PGAP1: variants seen among roughly 807,000 people sequenced by gnomAD.
PGAP1 encodes post-GPI attachment to proteins inositol deacylase 1.
PGAP1 carries 76 observed loss-of-function variants against 127.0 expected under a neutral mutation model. That is an observed-to-expected ratio of 0.60 (90% confidence interval 0.50 to 0.72). The LOEUF is 0.72. Among genes scored for constraint, PGAP1 ranks in the 30% least tolerant of loss-of-function variants. PGAP1 has a pLI of 0.00. For missense variants in PGAP1, 982 were observed against 1,071.3 expected, an observed-to-expected ratio of 0.92 and a Z score of 1.16; for synonymous variants, 362 against 366.5, an observed-to-expected ratio of 0.99 and a Z score of 0.14.
At position 196,853,350 on chromosome 2, in the gene PGAP1, T is replaced by C. The variant is rs555903699; in HGVS notation, c.1862-5313A>G. Among the ~76,000 whole-genome samples, 6 of 152,380 alleles carry C rather than the reference T, an allele frequency of 3.9e-5. No homozygotes were observed. In the East Asian group the frequency reaches 9.6e-4, roughly 24 times the overall value. On this transcript the variant is annotated intron_variant, in intron 20 of 26. Transcript: ENST00000354764. ...TTTCCTCTTGGATAACTTGATTCTA[T>C]ATTCTTGGCTTTTCTTGATACATCT...
At chr2:196,896,214 T>A (rs1702262558) in intron 7 of PGAP1, among the ~76,000 whole-genome samples, 2 of 152,152 alleles carry the variant, frequency 1.3e-5, no homozygotes, top group African/African-American at 4.8e-5. Flanking sequence ...GTTTGAAGAG[T>A]TTACACTGTG....
rs898967423 is a variant in PGAP1, at chr2:196,914,277, T to C, written c.478-1224A>G. 7.2e-5 allele frequency among the ~76,000 whole-genome samples: 11 copies of C among 152,200 alleles called. 1 individual carries two copies. Among genetic ancestry groups the C allele is most frequent in the South Asian group, 6.2e-4 (3 of 4,834 alleles). On this transcript the variant is annotated intron_variant, in intron 3 of 26. Coordinates refer to ENST00000354764, the MANE Select transcript of PGAP1 (RefSeq NM_024989.4). ...AATAAAAATAACTCCCTTTTAATTC[T>C]CACTTTCCCCTTAGTGACTACTTTA...
intron 1 of PGAP1, among the ~76,000 whole-genome samples, chr2:196,924,482 T>G (rs956420835): frequency 2.6e-5 from 4 of 152,192 alleles, no homozygotes; most frequent in Non-Finnish European, 5.9e-5. Context: ...TATAGGCTGG[T>G]TTTAATTGTA....
intron 3 of PGAP1, among the ~76,000 whole-genome samples, chr2:196,914,448 T>C (rs923870468): frequency 6.6e-6 from 1 of 151,936 alleles, no homozygotes; most frequent in African/African-American, 2.4e-5. Context: ...TGGCAAAACC[T>C]GGTATCTGCT....
chr2:196,890,271 ATTTTTAAACAACATCACATT>A (rs1702056403), intron 10 of PGAP1, among the ~76,000 whole-genome samples: 1 of 152,154 alleles, frequency 6.6e-6, no homozygotes, highest in Non-Finnish European at 1.5e-5. Flanking sequence ...ACGCTACAGC[ATTTTTAAACAACATCACATT>A]TTTTAATAGT....
intron 20 of PGAP1, among the ~76,000 whole-genome samples, chr2:196,859,554 T>C (rs1443387958): frequency 6.6e-6 from 1 of 151,154 alleles, no homozygotes; most frequent in Non-Finnish European, 1.5e-5. Flanking sequence ...CATAAAATAA[T>C]ACAACAAAAA....
chr2:196,866,256 A>G (rs1361139129), intron 19 of PGAP1, among the ~76,000 whole-genome samples: 1 of 152,230 alleles, frequency 6.6e-6, no homozygotes, highest in East Asian at 1.9e-4. Flanking sequence ...ACAATATGGT[A>G]CTGGTACCAA....
chr2:196,875,765 T>C lies in PGAP1; in HGVS notation c.1407A>G (p.Val469=). ...ACTTACCAAAGGAAAAAAGATGAGT[T>C]ACAGGAAGCTGTATGTATCTTTTCT... ...KKEKRYIQLP[V]THLFSFGLSS... Residue 469 remains valine, a synonymous_variant, in exon 14 of 27, where the codon GTA becomes GTG. Transcript: ENST00000354764. 6.5e-7 allele frequency: 1 copy of C among 1,541,146 alleles called. No individual in the cohort carries two copies. Among genetic ancestry groups the C allele is most frequent in the Non-Finnish European group, 8.9e-7 (1 of 1,118,268 alleles).
At chr2:196,887,931 C>T (rs1459517958) in intron 10 of PGAP1, among the ~76,000 whole-genome samples, 1 of 152,160 alleles carries the variant, frequency 6.6e-6, no homozygotes, top group Non-Finnish European at 1.5e-5. Flanking sequence ...AAAGATCCAA[C>T]CCATTTTTGT....
chr2:196,912,750 T>C (rs79166618), intron 4 of PGAP1, 132 bp downstream of exon 4: 2 of 662,754 alleles, frequency 3.0e-6, no homozygotes, highest in Non-Finnish European at 4.7e-6. Flanking sequence ...GAATTGGAGG[T>C]GCTGATTTGC....
Position 196,885,815 on chromosome 2 carries a change from A to G in PGAP1, c.1220+19T>C, listed in dbSNP as rs142559942. On this transcript the variant is annotated intron_variant, in intron 11 of 26. Transcript: ENST00000354764. ...ATTGTTTATGTTGAGATAAATGAAC[A>G]TGCATTCAAAAGACTTACCACATAG... 3.5e-4 allele frequency: 484 copies of G among 1,389,704 alleles called. No individual in the cohort carries two copies. Among genetic ancestry groups the G allele is most frequent in the South Asian group, 1.3e-3 (66 of 49,202 alleles). The allele number at this position is 1,389,704 out of a possible 1,614,324, so 86.1% of individuals were successfully genotyped here. A position where few individuals can be genotyped will look rare whatever the true frequency, so the allele number is the denominator to read the frequency against.
At position 196,885,442 on chromosome 2, in the gene PGAP1, T is replaced by C. The variant is rs1183128024; in HGVS notation, c.1254A>G (p.Glu418=). Residue 418 remains glutamate (E), a synonymous_variant, in exon 12 of 27, where the codon GAA becomes GAG. Coordinates refer to ENST00000354764, the MANE Select transcript of PGAP1 (RefSeq NM_024989.4). ...AATTTACCTTAATTGTTGGCAGCAG[T>C]TCAGCTTTCCATGATAAATCAACCC... ...LQGVDLSWKA[E]LLPTIKYLTL... 6.2e-7 allele frequency: 1 copy of C among 1,603,710 alleles called. No homozygotes were observed. Among genetic ancestry groups the C allele is most frequent in the Admixed American group, 1.7e-5 (1 of 59,168 alleles).
At chr2:196,851,031 A>C (rs904743017) in intron 20 of PGAP1, among the ~76,000 whole-genome samples, 9 of 152,110 alleles carry the variant, frequency 5.9e-5, no homozygotes, top group African/African-American at 2.2e-4. Context: ...AAAGTATAAA[A>C]AAGTTTTATT....
intron 19 of PGAP1, among the ~76,000 whole-genome samples, chr2:196,868,184 T>G (rs1010257343): frequency 7.9e-5 from 12 of 152,176 alleles, no homozygotes; most frequent in Admixed American, 7.9e-4. Flanking sequence ...ATGTAAGGCT[T>G]AAATATGTTC....
Position 196,902,633 on chromosome 2 carries a change from C to G in PGAP1, c.759G>C (p.Leu253Phe). 1 of 1,613,640 alleles carries G rather than the reference C, an allele frequency of 6.2e-7. No homozygotes were observed. Among genetic ancestry groups the G allele is most frequent in the Non-Finnish European group, 8.5e-7 (1 of 1,179,800 alleles). Residue 253 changes from leucine to phenylalanine, a missense_variant, in exon 5 of 27, where the codon TTG becomes TTC. By Grantham distance (22) the Leu-to-Phe change is conservative. Transcript: ENST00000354764. Reference protein sequence around the residue: ...GFRDYQVRSGLTFLPKLSHHT... With the variant: ...GFRDYQVRSGFTFLPKLSHHT... ...GATGGCTTAATTTTGGTAGAAAAGT[C>G]AATCCTGAACGAACTTGGTAATCCC...
At chr2:196,845,443 C>G (rs1337566855) in intron 23 of PGAP1, among the ~76,000 whole-genome samples, 1 of 150,788 alleles carries the variant, frequency 6.6e-6, no homozygotes, top group Non-Finnish European at 1.5e-5. Context: ...TTTTTATTGT[C>G]ATCTTCTGAT....
chr2:196,865,939 G>A (rs1701226822), intron 19 of PGAP1, among the ~76,000 whole-genome samples: 1 of 152,048 alleles, frequency 6.6e-6, no homozygotes, highest in Non-Finnish European at 1.5e-5. Context: ...CCTCTTCAAG[G>A]AAACTACAAA....
At chr2:196,876,209 T>G (rs1313182260) in intron 13 of PGAP1, among the ~76,000 whole-genome samples, 1 of 152,154 alleles carries the variant, frequency 6.6e-6, no homozygotes, top group Non-Finnish European at 1.5e-5. Context: ...AATACTTTCA[T>G]AGTCAAAAGG....
intron 22 of PGAP1, 42 bp downstream of exon 22, chr2:196,846,961 T>C (rs1700572136): frequency 2.0e-6 from 3 of 1,475,508 alleles, no homozygotes; most frequent in Non-Finnish European, 2.8e-6. Flanking sequence ...TATATATTTC[T>C]TCTTAAAGCA....
Sources: allele counts gnomAD v4.1 joint callset (sites outside exome capture counted in the v4.1 genomes callset), GRCh38; gene constraint gnomAD v4.1.1; transcripts MANE v1.5; gene names NCBI Gene and HGNC (gene_info 2026-07-23, HGNC 2026-07-21).